The following STXBP6 variants were observed in gnomAD, a reference collection of about 807,000 sequenced individuals.
The protein encoded by STXBP6 is syntaxin-binding protein 6.
In STXBP6, 21 loss-of-function variants were observed where a neutral mutation model predicts 26.9. The ratio of observed to expected loss-of-function variants is 0.78; its 90% CI spans 0.55 to 1.12. STXBP6 has a LOEUF of 1.12. Ranked by LOEUF, STXBP6 falls within the 50% of genes most tolerant of loss-of-function variation. The pLI is 0.00. For synonymous variants in STXBP6, 97 were observed against 92.6 expected (o/e 1.05, Z -0.27); for missense variants, 232 against 257.9 (o/e 0.90, Z 0.69).
chr14:24,862,013 T>G (rs573332929), intron 2 of STXBP6, among the ~76,000 whole-genome samples: 1 of 152,192 alleles, frequency 6.6e-6, no homozygotes, highest in Non-Finnish European at 1.5e-5. Context: ...CTGTTTTGCT[T>G]TCAAGACAGG....
At chr14:24,997,527 T>C (rs1008408870) in intron 1 of STXBP6, among the ~76,000 whole-genome samples, 3 of 152,242 alleles carry the variant, frequency 2.0e-5, no homozygotes, top group Non-Finnish European at 4.4e-5. Context: ...CCTGTGTTTA[T>C]TGACTAAGCC....
At chr14:24,847,040 A>T (rs1298209654) in intron 4 of STXBP6, among the ~76,000 whole-genome samples, 1 of 152,138 alleles carries the variant, frequency 6.6e-6, no homozygotes, top group African/African-American at 2.4e-5. Context: ...AACCTTGAAG[A>T]TTATATTCTC....
At chr14:24,842,349 T>C in intron 4 of STXBP6, among the ~76,000 whole-genome samples, 1 of 152,262 alleles carries the variant, frequency 6.6e-6, no homozygotes. Flanking sequence ...TATAGTAGCA[T>C]GGAATTCAAA....
chr14:24,923,144 T>A (rs758915999), intron 2 of STXBP6, among the ~76,000 whole-genome samples: 3 of 152,156 alleles, frequency 2.0e-5, no homozygotes, highest in Non-Finnish European at 4.4e-5. Context: ...TTAAATTTGA[T>A]GTTAACCATG....
chr14:24,968,214 G>C (rs7155878), intron 2 of STXBP6, among the ~76,000 whole-genome samples: 41,153 of 148,030 alleles, frequency 0.28, 6,691 homozygotes, highest in African/African-American at 0.46. Flanking sequence ...TTGCTTTGCA[G>C]TTCCTTTTTC....
chr14:24,987,241 G>T (rs1189070964), intron 1 of STXBP6, among the ~76,000 whole-genome samples: 1 of 149,736 alleles, frequency 6.7e-6, no homozygotes, highest in African/African-American at 2.5e-5. Flanking sequence ...CCCCTGACTC[G>T]ACCTGACAGA....
rs894881640 is a variant in STXBP6 at position 25,001,117 on chromosome 14, C to T, written c.-32-26267G>A. Among the ~76,000 whole-genome samples, 4 of 152,132 alleles carry T rather than the reference C, an allele frequency of 2.6e-5. No individual in the cohort carries two copies. In the East Asian group the frequency reaches 7.7e-4, roughly 29 times the overall value. On this transcript the variant is annotated intron_variant, in intron 1 of 5. Coordinates refer to ENST00000323944, the MANE Select transcript of STXBP6 (RefSeq NM_001394410.1). Reference sequence around the variant, plus strand: ...CATGGGAAGAATGTAAAGACGGAGGCTTTTTCTCTTGGAACAACAAATATT... The same window carrying T: ...CATGGGAAGAATGTAAAGACGGAGGTTTTTTCTCTTGGAACAACAAATATT...
At position 25,049,130 on chromosome 14, in the gene STXBP6, A is replaced by G. The variant is rs1355644841; in HGVS notation, c.-33+748T>C. 3.1e-6 allele frequency: 3 copies of G among 982,832 alleles called. No homozygotes were observed. The highest frequency in any genetic ancestry group is 3.6e-6 in the Non-Finnish European group (3 of 827,654). 60.9% of individuals were successfully genotyped at this position (982,832 alleles called of 1,614,324 possible). On this transcript the variant is annotated intron_variant, in intron 1 of 5. Coordinates refer to ENST00000323944, the MANE Select transcript of STXBP6 (RefSeq NM_001394410.1). This position sits in a 1 kb window ranked among gnomAD's most constrained non-coding sequence, Gnocchi z 5.6. ...CCTGCAGGTCCTGTCCTCTGTGAAG[A>G]TGAACGGGGTGGGGTGGTGAGGTGG...
intron 2 of STXBP6, among the ~76,000 whole-genome samples, chr14:24,930,644 C>CT (rs2072350318): frequency 6.6e-6 from 1 of 152,116 alleles, no homozygotes; most frequent in African/African-American, 2.4e-5. Flanking sequence ...AATTACAACT[C>CT]TATCAAAGAA....
At chr14:24,932,876 A>T (rs1322887496) in intron 2 of STXBP6, among the ~76,000 whole-genome samples, 5 of 92,950 alleles carry the variant, frequency 5.4e-5, no homozygotes, top group Non-Finnish European at 9.5e-5. Context: ...GTGAACAAAG[A>T]GGAAATCAAC....
intron 2 of STXBP6, among the ~76,000 whole-genome samples, chr14:24,879,965 C>T (rs2070296091): frequency 1.3e-5 from 2 of 152,206 alleles, no homozygotes; most frequent in Admixed American, 1.3e-4. Flanking sequence ...TTTCTATCCT[C>T]TTGGTGTATA....
intron 1 of STXBP6, among the ~76,000 whole-genome samples, chr14:24,975,835 A>G (rs917213037): frequency 6.6e-6 from 1 of 152,240 alleles, no homozygotes; most frequent in Non-Finnish European, 1.5e-5. Flanking sequence ...AAGATTCTAC[A>G]GCAACTTGAG....
chr14:25,012,527 G>C (rs2075054086), intron 1 of STXBP6, among the ~76,000 whole-genome samples: 1 of 152,140 alleles, frequency 6.6e-6, no homozygotes, highest in Non-Finnish European at 1.5e-5. Flanking sequence ...TTGAACCCAG[G>C]AGGTGGAGGT....
At chr14:24,942,349 CA>C (rs1431785485) in intron 2 of STXBP6, among the ~76,000 whole-genome samples, 1 of 152,200 alleles carries the variant, frequency 6.6e-6, no homozygotes, top group Non-Finnish European at 1.5e-5. Context: ...ACCAAACATA[CA>C]TTGTCAACAA....
At chr14:24,886,110 C>T (rs991685379) in intron 2 of STXBP6, among the ~76,000 whole-genome samples, 2 of 152,140 alleles carry the variant, frequency 1.3e-5, no homozygotes, top group Middle Eastern at 3.2e-3. Context: ...CAGGACACTC[C>T]GACAACACTT....
intron 2 of STXBP6, among the ~76,000 whole-genome samples, chr14:24,889,057 A>G (rs1015479430): frequency 1.9e-4 from 29 of 152,092 alleles, no homozygotes; most frequent in African/African-American, 6.8e-4. Flanking sequence ...GAAGATGGTG[A>G]CATCAGGGGC....
At chr14:24,904,318 C>T (rs912936353) in intron 2 of STXBP6, among the ~76,000 whole-genome samples, 4 of 152,162 alleles carry the variant, frequency 2.6e-5, no homozygotes, top group African/African-American at 4.8e-5. Flanking sequence ...ACCCCATCTA[C>T]GTTGACAGGG....
At position 24,974,862 on chromosome 14, in the gene STXBP6, G is replaced by C; in HGVS notation, c.-32-12C>G. On this transcript the variant is annotated splice_polypyrimidine_tract_variant and intron_variant, in intron 1 of 5. Transcript: ENST00000323944. ...AGCACGCAGTGAATCTTTTAAAGAA[G>C]GAAAAGAAAGGAAAGTTGGAATTGA... The C allele has an allele frequency of 6.7e-7, 1 of 1,489,376 alleles. No homozygotes were observed. Among genetic ancestry groups the C allele is most frequent in the Non-Finnish European group, 9.0e-7 (1 of 1,108,312 alleles). The allele number at this position is 1,489,376 out of a possible 1,614,324, so 92.3% of individuals were successfully genotyped here. A position where few individuals can be genotyped will look rare whatever the true frequency, so the allele number is the denominator to read the frequency against.
chr14:24,886,947 C>A (rs2070610884), intron 2 of STXBP6, among the ~76,000 whole-genome samples: 1 of 152,152 alleles, frequency 6.6e-6, no homozygotes, highest in South Asian at 2.1e-4. Context: ...CTGAACCCTC[C>A]CAAAAGAGTC....
Sources: gnomAD v4.1 joint callset for allele counts (sites outside exome capture counted in the v4.1 genomes callset) on GRCh38, gnomAD v4.1.1 for gene constraint, Gnocchi (gnomAD v3.1) non-coding constraint, MANE v1.5 for transcripts, NCBI Gene and HGNC (gene_info 2026-07-23, HGNC 2026-07-21) for gene names.